Variants in TOB2 observed in about 807,000 individuals in gnomAD.
The protein encoded by TOB2 is protein Tob2.
In TOB2, 3 loss-of-function variants were observed where a neutral mutation model predicts 17.3. That is an observed-to-expected ratio of 0.17 (90% CI 0.08 to 0.45). The LOEUF (loss-of-function observed/expected upper bound fraction) is 0.45. Ranked by LOEUF, TOB2 falls within the 20% of genes least tolerant of loss-of-function variation. The pLI is 0.99. For missense variants in TOB2, 407 were observed against 445.7 expected (o/e 0.91, Z 0.78); for synonymous variants, 163 against 185.6 (o/e 0.88, Z 0.99).
chr22:41,442,922 T>C (rs1041233711), intron 1 of TOB2, among the ~76,000 whole-genome samples: 1 of 152,218 alleles, frequency 6.6e-6, no homozygotes, highest in Non-Finnish European at 1.5e-5. Context: ...CTAAGATCTT[T>C]TCTAACCCCA....
rs2037515696 is a variant in TOB2, at chr22:41,433,950, C to T, written c.*2361G>A. The T allele has an allele frequency of 4.3e-6, 1 of 232,228 alleles. No individual in the cohort carries two copies. Among genetic ancestry groups the T allele is most frequent in the African/African-American group, 2.3e-5 (1 of 44,164 alleles). 14.4% of individuals were successfully genotyped at this position (232,228 alleles called of 1,614,324 possible). Reference sequence around the variant, plus strand: ...TTGTTTTTCCTGAAAAAATATGTTTCTCTCATCTTTTTAAGAAAAAATCTT... The same window carrying T: ...TTGTTTTTCCTGAAAAAATATGTTTTTCTCATCTTTTTAAGAAAAAATCTT... On this transcript the variant is annotated 3_prime_UTR_variant, in exon 2 of 2. Transcript: ENST00000327492.
chr22:41,441,889 C>A (rs1419926235), intron 1 of TOB2, among the ~76,000 whole-genome samples: 2 of 146,664 alleles, frequency 1.4e-5, no homozygotes, highest in Non-Finnish European at 3.0e-5. Flanking sequence ...CCAGCCTGGG[C>A]AAGAGTGATT....
chr22:41,439,482 C>T (rs1255778021), intron 1 of TOB2, among the ~76,000 whole-genome samples: 1 of 147,982 alleles, frequency 6.8e-6, no homozygotes, highest in Admixed American at 6.8e-5. Context: ...TTTAATTTTA[C>T]GTATGTATGT....
chr22:41,445,811 G>A (rs202209736), intron 1 of TOB2, among the ~76,000 whole-genome samples: 1 of 152,154 alleles, frequency 6.6e-6, no homozygotes, highest in East Asian at 1.9e-4. Context: ...GAGCTCAGCC[G>A]AAACGGTGAA....
chr22:41,435,277 G>A lies in TOB2; in HGVS notation c.*1034C>T, dbSNP rs2037533185. ...CACAGTCTGCAAACCAGTTCCTTCT[G>A]CAGTGTTTTCCTCTGGGAGTGTCTT... On this transcript the variant is annotated 3_prime_UTR_variant, in exon 2 of 2. Transcript: ENST00000327492. 2 of 152,192 alleles carry A rather than the reference G, an allele frequency of 1.3e-5. No homozygotes were observed. The highest frequency in any genetic ancestry group is 4.1e-4 in the South Asian group (2 of 4,828). The allele number at this position is 152,192 out of a possible 1,614,324, so 9.4% of individuals were successfully genotyped here.
At chr22:41,439,713 A>G (rs1032627507) in intron 1 of TOB2, among the ~76,000 whole-genome samples, 2 of 152,056 alleles carry the variant, frequency 1.3e-5, no homozygotes, top group African/African-American at 4.8e-5. Context: ...ATGGGGTTTC[A>G]CCATGTTGGC....
rs980167125 is a variant in TOB2 at position 41,435,715 on chromosome 22, G to C, written c.*596C>G. On this transcript the variant is annotated 3_prime_UTR_variant, in exon 2 of 2. Coordinates refer to ENST00000327492, the MANE Select transcript of TOB2 (RefSeq NM_016272.4). The stretch of plus-strand genomic sequence containing the variant: ...GGGGAGGGTGTCAAGTGGCCAGCCA[G>C]CAACTCCCTGTGGCCCAGCCTGAAA... 1.3e-5 allele frequency: 2 copies of C among 152,860 alleles called. No homozygotes were observed. The highest frequency in any genetic ancestry group is 2.9e-5 in the Non-Finnish European group (2 of 68,198). 9.5% of individuals were successfully genotyped at this position (152,860 alleles called of 1,614,324 possible). A position where few individuals can be genotyped will look rare whatever the true frequency, so the allele number is the denominator to read the frequency against.
At chr22:41,438,923 C>A (rs2037585201) in intron 1 of TOB2, among the ~76,000 whole-genome samples, 1 of 152,084 alleles carries the variant, frequency 6.6e-6, no homozygotes, top group Non-Finnish European at 1.5e-5. Context: ...CTGTCCTCGG[C>A]AGCAGATCAG....
At position 41,444,669 on chromosome 22, in the gene TOB2, C is replaced by G. The variant is rs921503312; in HGVS notation, c.-63+1710G>C. 6.6e-5 allele frequency among the ~76,000 whole-genome samples: 10 copies of G among 152,220 alleles called. No individual in the cohort carries two copies. In the East Asian group the frequency reaches 9.6e-4, roughly 15 times the overall value. The stretch of plus-strand genomic sequence containing the variant: ...GCGCGCTGAGGCGGGTCGGCGCCCC[C>G]CTCCCATCGCCTAATACATTTCATG... On this transcript the variant is annotated intron_variant, in intron 1 of 1. Transcript: ENST00000327492.
chr22:41,445,408 A>G (rs1416300929), intron 1 of TOB2, among the ~76,000 whole-genome samples: 1 of 152,248 alleles, frequency 6.6e-6, no homozygotes, highest in South Asian at 2.1e-4. Context: ...CAAGAAAGCA[A>G]TAGGATTGTT....
At chr22:41,438,913 C>A (rs1222250918) in intron 1 of TOB2, among the ~76,000 whole-genome samples, 3 of 152,108 alleles carry the variant, frequency 2.0e-5, no homozygotes, top group Non-Finnish European at 4.4e-5. Flanking sequence ...GTCTGACCAC[C>A]TGTCCTCGGC....
chr22:41,445,295 G>T (rs1483360523), intron 1 of TOB2, among the ~76,000 whole-genome samples: 1 of 152,238 alleles, frequency 6.6e-6, no homozygotes, highest in East Asian at 1.9e-4. Context: ...AGACTTACCA[G>T]ATCCTCGGCA....
At chr22:41,444,114 GGTGGATGCGA>G (rs1253861854) in intron 1 of TOB2, among the ~76,000 whole-genome samples, 2 of 152,180 alleles carry the variant, frequency 1.3e-5, no homozygotes, top group Non-Finnish European at 2.9e-5. Context: ...TCACAGACCG[GGTGGATGCGA>G]GTGCCCTGCC....
At chr22:41,444,749 T>A (rs773983894) in intron 1 of TOB2, among the ~76,000 whole-genome samples, 20 of 152,328 alleles carry the variant, frequency 1.3e-4, no homozygotes, top group Middle Eastern at 3.4e-3. Flanking sequence ...CCACATCCTC[T>A]AGGCTTTACG....
In TOB2 at chr22:41,436,483, C is replaced by T; in HGVS notation, c.863G>A (p.Gly288Asp). The T allele has an allele frequency of 1.2e-6, 2 of 1,614,014 alleles. No individual in the cohort carries two copies. The highest frequency in any genetic ancestry group is 1.7e-6 in the Non-Finnish European group (2 of 1,179,918). ...QGSGTPGPFG[G>D]SGAGTCNSSS... ...GCTGTTGCAGGTGCCAGCCCCACTG[C>T]CTCCAAACGGGCCTGGGGTGCCGCT... The change falls in exon 2 of 2, where the codon GGC (glycine) becomes GAC (aspartate). Residue 288 changes from glycine to aspartate, a missense_variant. Transcript: ENST00000327492. The surrounding 1 kb of genome is among the most constrained non-coding windows in gnomAD (Gnocchi z 4.8).
chr22:41,444,358 C>T (rs2037656335), intron 1 of TOB2, among the ~76,000 whole-genome samples: 1 of 152,220 alleles, frequency 6.6e-6, no homozygotes, highest in Admixed American at 6.5e-5. Flanking sequence ...AGGCCCCTTT[C>T]GGCTATGAAG....
chr22:41,444,870 G>C (rs1459245592), intron 1 of TOB2, among the ~76,000 whole-genome samples: 1 of 152,152 alleles, frequency 6.6e-6, no homozygotes, highest in Non-Finnish European at 1.5e-5. Flanking sequence ...CTTAGATAAG[G>C]TCACGACCCC....
At chr22:41,439,561 G>C (rs1158644831) in intron 1 of TOB2, among the ~76,000 whole-genome samples, 1 of 152,072 alleles carries the variant, frequency 6.6e-6, no homozygotes, top group Non-Finnish European at 1.5e-5. Flanking sequence ...TATCGCCCAG[G>C]CTGGACTGCA....
At chr22:41,446,020 G>T (rs757618386) in intron 1 of TOB2, among the ~76,000 whole-genome samples, 1 of 152,168 alleles carries the variant, frequency 6.6e-6, no homozygotes, top group Non-Finnish European at 1.5e-5. Context: ...TTTAACGGTG[G>T]GGGGAGTTAT....
Sources: gnomAD v4.1 joint callset for allele counts (sites outside exome capture counted in the v4.1 genomes callset) on GRCh38, gnomAD v4.1.1 for gene constraint, Gnocchi (gnomAD v3.1) non-coding constraint, MANE v1.5 for transcripts, NCBI Gene and HGNC (gene_info 2026-07-23, HGNC 2026-07-21) for gene names.